LEFTY1: variants seen among roughly 807,000 people sequenced by gnomAD.
LEFTY1 encodes the protein left-right determination factor 1.
A neutral mutation model predicts 22.6 loss-of-function variants in LEFTY1; 18 were observed. The ratio of observed to expected loss-of-function variants is 0.80; its 90% CI spans 0.55 to 1.18. LEFTY1 has a LOEUF of 1.18. Ranked by LOEUF, LEFTY1 falls within the 50% of genes most tolerant of loss-of-function variation. LEFTY1 has a pLI of 0.00. For synonymous variants in LEFTY1, 201 were observed against 231.5 expected (o/e 0.87, Z 1.20); for missense variants, 414 against 495.4 (o/e 0.84, Z 1.56).
intron 1 of LEFTY1, among the ~76,000 whole-genome samples, chr1:225,888,450 A>G (rs1671332742): frequency 6.6e-6 from 1 of 152,128 alleles, no homozygotes; most frequent in Non-Finnish European, 1.5e-5. Flanking sequence ...AGTTACCCAA[A>G]CACGCTTCTA....
At position 225,888,888 on chromosome 1, in the gene LEFTY1, T is replaced by C. The variant is rs1317149815; in HGVS notation, c.179A>G (p.Gln60Arg). The change falls in exon 1 of 4, where the codon CAG becomes CGG. Residue 60 changes from glutamine (Q) to arginine (R), a missense_variant. Coordinates refer to ENST00000272134, the MANE Select transcript of LEFTY1 (RefSeq NM_020997.4). ...GCTGCGCTGCAGCAGGGCCACGTACTGGGCCCTCACGTGGGTGGGGATGAC... is the reference window on the plus strand; with the variant it reads ...GCTGCGCTGCAGCAGGGCCACGTACCGGGCCCTCACGTGGGTGGGGATGAC... ...ELVIPTHVRA[Q>R]YVALLQRSHG... 6.2e-7 allele frequency: 1 copy of C among 1,613,272 alleles called. No homozygotes were observed. The highest frequency in any genetic ancestry group is 2.2e-5 in the East Asian group (1 of 44,858).
chr1:225,889,118 C>T lies in LEFTY1; in HGVS notation c.-52G>A, dbSNP rs554150303. The T allele has an allele frequency of 4.2e-6, 6 of 1,429,278 alleles. No homozygotes were observed. In the South Asian group the frequency reaches 7.5e-5, roughly 18 times the overall value. 88.5% of individuals were successfully genotyped at this position (1,429,278 alleles called of 1,614,324 possible). On this transcript the variant is annotated 5_prime_UTR_variant, in exon 1 of 4. Transcript: ENST00000272134. ...AGAGTGGGGCTGTCCCTTGAGAAGG[C>T]TGCAGGAGGGTCTCAGGCAGCTGGA...
At position 225,887,516 on chromosome 1, in the gene LEFTY1, T is replaced by C; in HGVS notation, c.620A>G (p.His207Arg). The C allele has an allele frequency of 6.2e-7, 1 of 1,611,810 alleles. No homozygotes were observed. Among genetic ancestry groups the C allele is most frequent in the South Asian group, 1.1e-5 (1 of 91,026 alleles). ...LLLQVSVQRE[H>R]LGPLASGAHK... ...GGCGCCGGACGCCAGCGGGCCCAGA[T>C]GCTCCCTCTGCACCGACACCTGTAG... Residue 207 changes from histidine (H) to arginine (R), a missense_variant, in exon 3 of 4, where the codon CAT becomes CGT. Coordinates refer to ENST00000272134, the MANE Select transcript of LEFTY1 (RefSeq NM_020997.4).
At position 225,888,937 on chromosome 1, in the gene LEFTY1, C is replaced by G; in HGVS notation, c.130G>C (p.Asp44His). ...ACCAGCTCCTCCATGTCGGCCCTGT[C>G]CAGGGTGGGCACCTCTTTGAGCTGC... ...QLQLKEVPTL[D>H]RADMEELVIP... The change falls in exon 1 of 4, where the codon GAC becomes CAC. Residue 44 changes from aspartate (D) to histidine (H), a missense_variant. Coordinates refer to ENST00000272134, the MANE Select transcript of LEFTY1 (RefSeq NM_020997.4). The G allele has an allele frequency of 6.2e-7, 1 of 1,611,716 alleles. No individual in the cohort carries two copies. Among genetic ancestry groups the G allele is most frequent in the Non-Finnish European group, 8.5e-7 (1 of 1,179,370 alleles).
chr1:225,886,872 G>C lies in LEFTY1; in HGVS notation c.956C>G (p.Ser319Trp), dbSNP rs117876231. Residue 319 changes from serine (S) to tryptophan (W), a missense_variant, in exon 4 of 4, where the codon TCG becomes TGG. By Grantham distance (177) the Ser-to-Trp change is radical. Coordinates refer to ENST00000272134, the MANE Select transcript of LEFTY1 (RefSeq NM_020997.4). ...GATCATGGGCAGCGAGTCAGTCTCCGAGGCGATGCACTGTCGAGGCCCCAG... is the reference window on the plus strand; with the variant it reads ...GATCATGGGCAGCGAGTCAGTCTCCCAGGCGATGCACTGTCGAGGCCCCAG... ...PFLGPRQCIASETDSLPMIVS... is the reference protein window; with the variant it reads ...PFLGPRQCIAWETDSLPMIVS... 411 of 1,613,926 alleles carry C rather than the reference G, an allele frequency of 2.5e-4. 3 individuals carry two copies. In the East Asian group the frequency reaches 8.3e-3, roughly 32 times the overall value.
At position 225,886,619 on chromosome 1, in the gene LEFTY1, C is replaced by A; in HGVS notation, c.*108G>T. The stretch of plus-strand genomic sequence containing the variant: ...AGCAAATTCAGGGCTCACTAGAGAG[C>A]ACAGAGCATTTGTCCATCAGCAGTT... On this transcript the variant is annotated 3_prime_UTR_variant, in exon 4 of 4. Coordinates refer to ENST00000272134, the MANE Select transcript of LEFTY1 (RefSeq NM_020997.4). 6.4e-7 allele frequency: 1 copy of A among 1,563,624 alleles called. No individual in the cohort carries two copies. Among genetic ancestry groups the A allele is most frequent in the Non-Finnish European group, 8.6e-7 (1 of 1,157,914 alleles).
Position 225,887,530 on chromosome 1 carries a change from C to T in LEFTY1, c.606G>A (p.Ser202=). The change falls in exon 3 of 4, where the codon TCG becomes TCA. Residue 202 remains serine, a synonymous_variant. Transcript: ENST00000272134. ...RPRQPLLLQV[S]VQREHLGPLA... is the part of the protein sequence containing the mutation. ...GCGGGCCCAGATGCTCCCTCTGCAC[C>T]GACACCTGTAGCAGCAGCGGCTGCC... The T allele has an allele frequency of 6.2e-7, 1 of 1,611,776 alleles. No homozygotes were observed. The highest frequency in any genetic ancestry group is 8.5e-7 in the Non-Finnish European group (1 of 1,179,502).
At position 225,887,094 on chromosome 1, in the gene LEFTY1, T is replaced by C. The variant is rs1335178426; in HGVS notation, c.738-4A>G. On this transcript the variant is annotated splice_region_variant and splice_polypyrimidine_tract_variant and intron_variant, in intron 3 of 3. Transcript: ENST00000272134. ...AGGGTCACAGTCGCCCTGAGCTCTGTGTGGGCAAAGAGAGCAGGGTCAGCG... is the reference window on the plus strand; with the variant it reads ...AGGGTCACAGTCGCCCTGAGCTCTGCGTGGGCAAAGAGAGCAGGGTCAGCG... 3.8e-6 allele frequency: 6 copies of C among 1,598,960 alleles called. No individual in the cohort carries two copies. Among genetic ancestry groups the C allele is most frequent in the Non-Finnish European group, 5.1e-6 (6 of 1,173,516 alleles).
In LEFTY1 at chr1:225,887,488, G is replaced by A; in HGVS notation, c.648C>T (p.His216=). 6.2e-7 allele frequency: 1 copy of A among 1,612,144 alleles called. No individual in the cohort carries two copies. The highest frequency in any genetic ancestry group is 8.5e-7 in the Non-Finnish European group (1 of 1,179,482). The change falls in exon 3 of 4, where the codon CAC becomes CAT. Residue 216 remains histidine, a synonymous_variant. Coordinates refer to ENST00000272134, the MANE Select transcript of LEFTY1 (RefSeq NM_020997.4). The part of the protein sequence containing the change: ...EHLGPLASGA[H]KLVRFASQGA... ...CCTGCGAGGCAAAGCGGACCAGCTT[G>A]TGGGCGCCGGACGCCAGCGGGCCCA...
chr1:225,888,848 G>A lies in LEFTY1; in HGVS notation c.219C>T (p.Ser73=), dbSNP rs769721991. Reference sequence around the variant, plus strand: ...AGCTCTGGCTGAACCTCTTTCCGCGGGAGCGGTCCCCGTGGCTGCGCTGCA... The same window carrying A: ...AGCTCTGGCTGAACCTCTTTCCGCGAGAGCGGTCCCCGTGGCTGCGCTGCA... ...ALLQRSHGDR[S]RGKRFSQSFR... The change falls in exon 1 of 4, where the codon TCC becomes TCT. Residue 73 remains serine (S), a synonymous_variant. Coordinates refer to ENST00000272134, the MANE Select transcript of LEFTY1 (RefSeq NM_020997.4). 11 of 1,613,314 alleles carry A rather than the reference G, an allele frequency of 6.8e-6. No homozygotes were observed. Among genetic ancestry groups the A allele is most frequent in the Non-Finnish European group, 7.6e-6 (9 of 1,179,810 alleles).
rs139440539 is a variant in LEFTY1, at chr1:225,887,053, C to T, written c.775G>A (p.Glu259Lys). Residue 259 changes from glutamate to lysine, a missense_variant, in exon 4 of 4, where the codon GAG (glutamate) becomes AAG (lysine). Around this residue, in one of 2 missense-constraint regions of LEFTY1, gnomAD observed 398 missense variants for 454.7 expected, o/e 0.88. Transcript: ENST00000272134. ...TCCTGGCGGCAGCAGCGGGTGCCCT[C>T]GGTCATTGGTGCTTCAGGGTCACAG... is the stretch of plus-strand genomic sequence containing the variant. ...GDCDPEAPMT[E>K]GTRCCRQEMY... 4.6e-3 allele frequency: 7,395 copies of T among 1,598,926 alleles called. 135 individuals are homozygous for T. In the East Asian group the frequency reaches 0.051, roughly 11 times the overall value.
rs750598562 is a variant in LEFTY1 at position 225,888,982 on chromosome 1, C to T, written c.85G>A (p.Gly29Ser). ...AGCTGCAGCTGCCGCAGCAGGCTGCCCAGGAGCTGCTCCCCGGTCAGGGCG... is the reference window on the plus strand; with the variant it reads ...AGCTGCAGCTGCCGCAGCAGGCTGCTCAGGAGCTGCTCCCCGGTCAGGGCG... Reference protein sequence around the residue: ...GAALTGEQLLGSLLRQLQLKE... With the variant: ...GAALTGEQLLSSLLRQLQLKE... The change falls in exon 1 of 4, where the codon GGC becomes AGC. Residue 29 changes from glycine to serine, a missense_variant. Around this residue, in one of 2 missense-constraint regions of LEFTY1, gnomAD observed 398 missense variants for 454.7 expected, o/e 0.88. Transcript: ENST00000272134. 1.9e-6 allele frequency: 3 copies of T among 1,588,268 alleles called. No individual in the cohort carries two copies. The highest frequency in any genetic ancestry group is 1.8e-5 in the Admixed American group (1 of 57,074).
chr1:225,887,986 C>T lies in LEFTY1; in HGVS notation c.297G>A (p.Leu99=), dbSNP rs1184568412. 1.3e-5 allele frequency: 20 copies of T among 1,590,334 alleles called. No individual in the cohort carries two copies. The highest frequency in any genetic ancestry group is 1.6e-5 in the Non-Finnish European group (19 of 1,178,242). The change falls in exon 2 of 4, where the codon CTG becomes CTA. Residue 99 remains leucine (L), a synonymous_variant. Transcript: ENST00000272134. ...FLALEASTHL[L]VFGMEQRLPP... ...GCAGCCGCTGCTCCATGCCGAACAC[C>T]AGCAGGTGTGTGCTGGCCTCCAACG...
At chr1:225,887,676 C>T in intron 2 of LEFTY1, 38 bp from the exon 3 acceptor site, 12 of 1,611,282 alleles carry the variant, frequency 7.4e-6, no homozygotes, top group Non-Finnish European at 7.6e-6. Context: ...CGCTTGAGGG[C>T]GGGGACTGGG....
Position 225,888,714 on chromosome 1 carries a change from C to G in LEFTY1, c.250+103G>C, listed in dbSNP as rs572305206. 3.2e-4 allele frequency: 479 copies of G among 1,503,022 alleles called. 3 individuals carry two copies. The East Asian group carries it at 8.9e-3, about 28-fold the overall frequency. The allele number at this position is 1,503,022 out of a possible 1,614,324, so 93.1% of individuals were successfully genotyped here. ...CCTTAGACCGTGGCCCTCACTCAGC[C>G]TCCCACAGACCTCTGCAAGGCCAGG... On this transcript the variant is annotated intron_variant, in intron 1 of 3. Coordinates refer to ENST00000272134, the MANE Select transcript of LEFTY1 (RefSeq NM_020997.4).
At position 225,886,445 on chromosome 1, in the gene LEFTY1, G is replaced by T. The variant is rs925692931; in HGVS notation, c.*282C>A. 3 of 503,648 alleles carry T rather than the reference G, an allele frequency of 6.0e-6. No homozygotes were observed. Among genetic ancestry groups the T allele is most frequent in the Non-Finnish European group, 1.0e-5 (3 of 293,556 alleles). 31.2% of individuals were successfully genotyped at this position (503,648 alleles called of 1,614,324 possible). ...TAAACAATGACACATTGGGCTTTCT[G>T]CCCTCAGGTTACAGTATCTCCACAT... On this transcript the variant is annotated 3_prime_UTR_variant, in exon 4 of 4. Coordinates refer to ENST00000272134, the MANE Select transcript of LEFTY1 (RefSeq NM_020997.4).
rs755573584 is a variant in LEFTY1, at chr1:225,888,048, G to A, written c.251-16C>T. On this transcript the variant is annotated splice_polypyrimidine_tract_variant and intron_variant, in intron 1 of 3. Coordinates refer to ENST00000272134, the MANE Select transcript of LEFTY1 (RefSeq NM_020997.4). ...CCGGCCACCTCTGGGGACAAGAGCA[G>A]GGTCAGCAGGGCCTCCCCCGACTCC... is the stretch of plus-strand genomic sequence containing the variant. The A allele has an allele frequency of 1.9e-6, 3 of 1,590,320 alleles. No homozygotes were observed. The East Asian group carries it at 6.8e-5, about 36-fold the overall frequency.
At position 225,887,989 on chromosome 1, in the gene LEFTY1, C is replaced by G; in HGVS notation, c.294G>C (p.Leu98=). The G allele has an allele frequency of 6.3e-7, 1 of 1,590,522 alleles. No homozygotes were observed. Among genetic ancestry groups the G allele is most frequent in the Non-Finnish European group, 8.5e-7 (1 of 1,178,272 alleles). The change falls in exon 2 of 4, where the codon CTG becomes CTC. Residue 98 remains leucine (L), a synonymous_variant. Transcript: ENST00000272134. ...GCCGCTGCTCCATGCCGAACACCAG[C>G]AGGTGTGTGCTGGCCTCCAACGCCA... ...RFLALEASTH[L]LVFGMEQRLP...
chr1:225,887,340 A>C, intron 3 of LEFTY1, 59 bp downstream of exon 3: 2 of 1,604,102 alleles, frequency 1.2e-6, no homozygotes, highest in South Asian at 2.2e-5. Flanking sequence ...TCCATTTCAA[A>C]ATAAATGTAA....
Sources: gnomAD v4.1 joint callset for allele counts (sites outside exome capture counted in the v4.1 genomes callset) on GRCh38, gnomAD v4.1.1 for gene constraint, gnomAD v4.1.1 regional missense constraint, MANE v1.5 for transcripts, NCBI Gene and HGNC (gene_info 2026-07-23, HGNC 2026-07-21) for gene names.